Variants in PRKCQ observed in about 807,000 individuals in gnomAD.
PRKCQ encodes the protein protein kinase C theta type.
In PRKCQ, 41 loss-of-function variants were observed where a neutral mutation model predicts 91.2. The ratio of observed to expected loss-of-function variants is 0.45; its 90% CI spans 0.35 to 0.58. The LOEUF is 0.58. Among genes scored for constraint, PRKCQ ranks in the 20% least tolerant of loss-of-function variants. The pLI is 0.00. For synonymous variants in PRKCQ, 307 were observed against 316.9 expected (o/e 0.97, Z 0.33); for missense variants, 673 against 896.5 (o/e 0.75, Z 3.18).
At chr10:6,508,353 C>A (rs1177425117) in intron 3 of PRKCQ, among the ~76,000 whole-genome samples, 1 of 152,116 alleles carries the variant, frequency 6.6e-6, no homozygotes, top group South Asian at 2.1e-4. Flanking sequence ...TCCACGTGAG[C>A]CGGAGTAACT....
chr10:6,549,067 C>T (rs1370566082), intron 1 of PRKCQ, among the ~76,000 whole-genome samples: 3 of 152,122 alleles, frequency 2.0e-5, no homozygotes, highest in Non-Finnish European at 4.4e-5. Context: ...TTATTAGGAC[C>T]TCTGTTTTCC....
At chr10:6,444,738 T>A (rs890956759) in intron 15 of PRKCQ, among the ~76,000 whole-genome samples, 1 of 152,076 alleles carries the variant, frequency 6.6e-6, no homozygotes, top group African/African-American at 2.4e-5. Context: ...ACGCAGAAGG[T>A]ATTTTTTTGT....
chr10:6,507,492 T>A lies in PRKCQ; in HGVS notation c.323A>T (p.Glu108Val). Residue 108 changes from glutamate to valine, a missense_variant, in exon 4 of 18, where the codon GAG becomes GTG. Glu to Val is a moderately radical substitution (Grantham distance 121, BLOSUM62 -2). Coordinates refer to ENST00000263125, the MANE Select transcript of PRKCQ (RefSeq NM_006257.5). ...TAGCATTCGGCCTTGAGGTTTCAGCTCTAACTGGTTGGGAGAAGGAGAGAA... is the reference window on the plus strand; with the variant it reads ...TAGCATTCGGCCTTGAGGTTTCAGCACTAACTGGTTGGGAGAAGGAGAGAA... ...KNNGKTEIWL[E>V]LKPQGRMLMN... 6.2e-7 allele frequency: 1 copy of A among 1,613,476 alleles called. No individual in the cohort carries two copies. The highest frequency in any genetic ancestry group is 1.1e-5 in the South Asian group (1 of 91,074).
At chr10:6,450,446 T>G (rs1210938557) in intron 15 of PRKCQ, among the ~76,000 whole-genome samples, 1 of 152,208 alleles carries the variant, frequency 6.6e-6, no homozygotes, top group Non-Finnish European at 1.5e-5. Context: ...CTGAGTGACC[T>G]ATAAAGAGAC....
intron 16 of PRKCQ, among the ~76,000 whole-genome samples, chr10:6,439,484 A>G (rs954980963): frequency 1.3e-5 from 2 of 152,056 alleles, no homozygotes; most frequent in Non-Finnish European, 2.9e-5. Context: ...GATTTTTTCA[A>G]TCAAATTTAC....
At chr10:6,555,499 C>A (rs1233219547) in intron 1 of PRKCQ, among the ~76,000 whole-genome samples, 1 of 152,170 alleles carries the variant, frequency 6.6e-6, no homozygotes, top group African/African-American at 2.4e-5. Context: ...AACAGATTCA[C>A]AATTCTGTGC....
intron 1 of PRKCQ, among the ~76,000 whole-genome samples, chr10:6,533,327 A>G (rs1839462075): frequency 6.6e-6 from 1 of 152,136 alleles, no homozygotes; most frequent in African/African-American, 2.4e-5. Context: ...CCTCCCGAGT[A>G]GCTGGGATTA....
At chr10:6,424,052 C>A (rs1326682035), downstream of PRKCQ, among the ~76,000 whole-genome samples, 1 of 152,074 alleles carries the variant, frequency 6.6e-6, no homozygotes, top group African/African-American at 2.4e-5. Flanking sequence ...GTAGCTGTGG[C>A]ACCAAGAGCA....
At chr10:6,533,982 C>T (rs755219600) in intron 1 of PRKCQ, among the ~76,000 whole-genome samples, 1 of 152,170 alleles carries the variant, frequency 6.6e-6, no homozygotes, top group African/African-American at 2.4e-5. Context: ...ATCCCACAGA[C>T]AAGCCCCAAA....
chr10:6,513,878 C>T (rs923267541), intron 2 of PRKCQ, among the ~76,000 whole-genome samples: 1 of 152,184 alleles, frequency 6.6e-6, no homozygotes, highest in African/African-American at 2.4e-5. Context: ...CGCTCACAGG[C>T]CTTTGCAGGA....
At chr10:6,549,376 G>C (rs766135273) in intron 1 of PRKCQ, among the ~76,000 whole-genome samples, 1 of 152,138 alleles carries the variant, frequency 6.6e-6, no homozygotes, top group Non-Finnish European at 1.5e-5. Flanking sequence ...CAACATCAAA[G>C]ACTGGACTAA....
chr10:6,570,108 C>T (rs1330250465), intron 1 of PRKCQ, among the ~76,000 whole-genome samples: 1 of 151,982 alleles, frequency 6.6e-6, no homozygotes, highest in African/African-American at 2.4e-5. Flanking sequence ...GGACAATGTC[C>T]CAGGATGCAT....
intron 1 of PRKCQ, among the ~76,000 whole-genome samples, chr10:6,540,976 T>C (rs143127865): frequency 0.011 from 1,608 of 152,244 alleles, 62 homozygotes; most frequent in South Asian, 0.044. Context: ...TAAGGAAGGG[T>C]GTTGAGCATC....
intron 1 of PRKCQ, among the ~76,000 whole-genome samples, chr10:6,572,772 G>A (rs759028195): frequency 2.6e-5 from 4 of 152,080 alleles, no homozygotes; most frequent in East Asian, 1.9e-4. Context: ...TGAGTCAAAC[G>A]GTATTTCTGG....
At chr10:6,440,736 C>A (rs1045959826) in intron 16 of PRKCQ, among the ~76,000 whole-genome samples, 4 of 152,130 alleles carry the variant, frequency 2.6e-5, no homozygotes, top group Admixed American at 1.3e-4. Flanking sequence ...CATCTGTAGT[C>A]CCAGCACTTT....
chr10:6,573,523 C>T (rs897991035), intron 1 of PRKCQ, among the ~76,000 whole-genome samples: 4 of 152,194 alleles, frequency 2.6e-5, no homozygotes, highest in Admixed American at 2.6e-4. Flanking sequence ...AAGCAATCAT[C>T]TACATATAGT....
intron 1 of PRKCQ, chr10:6,515,622 G>T: frequency 1.6e-6 from 1 of 644,760 alleles, no homozygotes; most frequent in Non-Finnish European, 1.9e-6. Context: ...TAATGGGATT[G>T]GCCCAAGGCA....
intron 12 of PRKCQ, among the ~76,000 whole-genome samples, chr10:6,470,456 C>A (rs568667235): frequency 1.3e-5 from 2 of 152,168 alleles, no homozygotes; most frequent in Non-Finnish European, 2.9e-5. Flanking sequence ...TCAAATACAA[C>A]GTAATGTTGG....
intron 15 of PRKCQ, among the ~76,000 whole-genome samples, chr10:6,455,869 C>T (rs899008841): frequency 2.6e-5 from 4 of 152,086 alleles, no homozygotes; most frequent in South Asian, 2.1e-4. Context: ...ACAATTATTT[C>T]GAAATGAAAA....
Sources: gnomAD v4.1 joint callset for allele counts (sites outside exome capture counted in the v4.1 genomes callset) on GRCh38, gnomAD v4.1.1 for gene constraint, MANE v1.5 for transcripts, NCBI Gene and HGNC (gene_info 2026-07-23, HGNC 2026-07-21) for gene names.